The following MAGI2 variants were observed in gnomAD, a reference collection of about 807,000 sequenced individuals.
The protein encoded by MAGI2 is membrane associated guanylate kinase, WW and PDZ domain containing 2.
MAGI2 carries 35 observed loss-of-function variants against 133.3 expected under a neutral mutation model. The observed-to-expected ratio is 0.26, with a 90% CI of 0.20 to 0.35. MAGI2 has a LOEUF of 0.35. Ranked by LOEUF, MAGI2 falls within the 10% of genes least tolerant of loss-of-function variation. The probability of loss-of-function intolerance (pLI) is 1.00; values close to 1 mark genes in which losing one functional copy is unlikely to be tolerated. For missense variants in MAGI2, 1,636 were observed against 1,863.4 expected (o/e 0.88, Z 2.25); for synonymous variants, 729 against 710.6 (o/e 1.03, Z -0.41).
intron 3 of MAGI2, among the ~76,000 whole-genome samples, chr7:78,594,346 G>A (rs983696642): frequency 1.3e-5 from 2 of 152,188 alleles, no homozygotes; most frequent in African/African-American, 4.8e-5. Context: ...ATTAAAAGCT[G>A]AAAGAGCCAG....
In MAGI2 at chr7:78,272,491, T is replaced by C. The variant is rs149993243; in HGVS notation, c.1409-15910A>G. Among the ~76,000 whole-genome samples, 1,302 of 152,290 alleles carry C rather than the reference T, an allele frequency of 8.5e-3. 24 individuals carry two copies. Among genetic ancestry groups the C allele is most frequent in the African/African-American group, 0.03 (1,240 of 41,562 alleles). ...CAGAGCTGAGTTCAAGTCCTGGATA[T>C]CTTTGTTAATTTTCTGTCTTGTTGG... On this transcript the variant is annotated intron_variant, in intron 9 of 21. Coordinates refer to ENST00000354212, the MANE Select transcript of MAGI2 (RefSeq NM_012301.4).
At chr7:79,432,376 T>C (rs1847836217) in intron 1 of MAGI2, among the ~76,000 whole-genome samples, 1 of 152,216 alleles carries the variant, frequency 6.6e-6, no homozygotes, top group African/African-American at 2.4e-5. Context: ...CCCATGATGA[T>C]ACCCACAAGC....
At chr7:78,061,594 A>G (rs948659576) in intron 21 of MAGI2, among the ~76,000 whole-genome samples, 9 of 152,162 alleles carry the variant, frequency 5.9e-5, no homozygotes, top group African/African-American at 1.7e-4. Flanking sequence ...AATGCAGGGT[A>G]TCTGGGTAGA....
At chr7:79,291,943 C>T (rs921199707) in intron 1 of MAGI2, among the ~76,000 whole-genome samples, 3 of 151,664 alleles carry the variant, frequency 2.0e-5, no homozygotes, top group Non-Finnish European at 4.4e-5. Flanking sequence ...GATTTTTTTT[C>T]ACTTATGATT....
At chr7:79,308,964 G>C (rs1371688602) in intron 1 of MAGI2, among the ~76,000 whole-genome samples, 1 of 149,326 alleles carries the variant, frequency 6.7e-6, no homozygotes, top group Non-Finnish European at 1.5e-5. Context: ...ACTTTACCCT[G>C]ATTAAAAAAT....
chr7:78,987,532 A>G (rs1179226256), intron 2 of MAGI2, among the ~76,000 whole-genome samples: 2 of 152,204 alleles, frequency 1.3e-5, no homozygotes, highest in East Asian at 1.9e-4. Flanking sequence ...TAATGCACCA[A>G]CATTTCAAGT....
chr7:78,571,784 C>A (rs983847103), intron 3 of MAGI2, among the ~76,000 whole-genome samples: 1 of 152,126 alleles, frequency 6.6e-6, no homozygotes, highest in Non-Finnish European at 1.5e-5. Flanking sequence ...ATTAAAATTA[C>A]AATTTGTGCT....
chr7:78,039,166 T>C (rs984867581), intron 21 of MAGI2, among the ~76,000 whole-genome samples: 2 of 152,196 alleles, frequency 1.3e-5, no homozygotes, highest in Non-Finnish European at 2.9e-5. Flanking sequence ...CCTTCCTCTC[T>C]CTCTTTGACT....
At chr7:78,328,012 G>A (rs940176534) in intron 9 of MAGI2, among the ~76,000 whole-genome samples, 2 of 152,146 alleles carry the variant, frequency 1.3e-5, no homozygotes, top group Non-Finnish European at 1.5e-5. Context: ...AGAATTTGCA[G>A]CTCTGAATAG....
chr7:78,999,155 GA>G, intron 2 of MAGI2, among the ~76,000 whole-genome samples: 2 of 151,560 alleles, frequency 1.3e-5, no homozygotes, highest in South Asian at 2.1e-4. Flanking sequence ...TCCCTCCTAT[GA>G]AAAAAAGGAA....
At position 79,232,537 on chromosome 7, in the gene MAGI2, G is replaced by A. The variant is rs1362290900; in HGVS notation, c.301+220483C>T. Among the ~76,000 whole-genome samples the A allele has an allele frequency of 4.5e-3, 556 of 124,794 alleles. 4 individuals are homozygous for A. The highest frequency in any genetic ancestry group is 0.016 in the African/African-American group (527 of 32,074). The allele number at this position is 124,794 out of a possible 152,430, so 81.9% of individuals were successfully genotyped here. Reference sequence around the variant, plus strand: ...TTAGTCTTGGGAGAGTGTATGTGTCGAGGAATTTATCCATTTCTTCTAGAT... The same window carrying A: ...TTAGTCTTGGGAGAGTGTATGTGTCAAGGAATTTATCCATTTCTTCTAGAT... On this transcript the variant is annotated intron_variant, in intron 1 of 21. Transcript: ENST00000354212.
rs115887168 is a variant in MAGI2 at position 79,163,532 on chromosome 7, C to T, written c.302-156326G>A. ...TTTCTTGGATTTGATTTATAACCTC[C>T]TCAGGATGTCATACCTATGGAGATA... is the stretch of plus-strand genomic sequence containing the variant. On this transcript the variant is annotated intron_variant, in intron 1 of 21. Transcript: ENST00000354212. Among the ~76,000 whole-genome samples, 1,298 of 152,168 alleles carry T rather than the reference C, an allele frequency of 8.5e-3. 16 individuals carry two copies. The highest frequency in any genetic ancestry group is 0.03 in the African/African-American group (1,237 of 41,524).
At chr7:78,455,831 G>A (rs2302639) in intron 6 of MAGI2, among the ~76,000 whole-genome samples, 49,436 of 151,826 alleles carry the variant, frequency 0.33, 11,035 homozygotes, top group African/African-American at 0.64. Context: ...TCTTTCAAAG[G>A]TTGACACTAA....
At chr7:78,046,862 C>T (rs923475144) in intron 21 of MAGI2, among the ~76,000 whole-genome samples, 4 of 152,100 alleles carry the variant, frequency 2.6e-5, no homozygotes, top group African/African-American at 9.7e-5. Context: ...GAGATGGTAT[C>T]ATAAGTATGC....
chr7:79,176,116 C>T (rs1015840361), intron 1 of MAGI2, among the ~76,000 whole-genome samples: 10 of 151,894 alleles, frequency 6.6e-5, no homozygotes, highest in African/African-American at 2.2e-4. Context: ...AAATGTCACC[C>T]CTTCTGTGTT....
chr7:78,023,080 G>A (rs1036290673), intron 21 of MAGI2, among the ~76,000 whole-genome samples: 1 of 152,106 alleles, frequency 6.6e-6, no homozygotes, highest in African/African-American at 2.4e-5. Context: ...GAAACATATG[G>A]TGTCTGTCCA....
At chr7:78,772,964 T>C (rs1359397002) in intron 2 of MAGI2, among the ~76,000 whole-genome samples, 5 of 152,238 alleles carry the variant, frequency 3.3e-5, no homozygotes, top group Admixed American at 6.5e-5. Flanking sequence ...TCATTTTGCA[T>C]TTATTCAGAG....
intron 2 of MAGI2, chr7:78,946,885 A>G (rs1362090653): frequency 1.3e-5 from 2 of 152,170 alleles, no homozygotes. Context: ...TTATTGATTG[A>G]AGTGGGATTC....
At chr7:78,260,482 C>T (rs1360752372) in intron 9 of MAGI2, among the ~76,000 whole-genome samples, 1 of 152,128 alleles carries the variant, frequency 6.6e-6, no homozygotes. Flanking sequence ...AAAAATATCT[C>T]TTACATTTCC....
Sources: allele counts gnomAD v4.1 joint callset (sites outside exome capture counted in the v4.1 genomes callset), GRCh38; gene constraint gnomAD v4.1.1; transcripts MANE v1.5; gene names NCBI Gene and HGNC (gene_info 2026-07-23, HGNC 2026-07-21).